OSBPL1A: variants seen among roughly 807,000 people sequenced by gnomAD.
The protein encoded by OSBPL1A is oxysterol-binding protein-related protein 1.
In OSBPL1A, 80 loss-of-function variants were observed where a neutral mutation model predicts 137.1. The ratio of observed to expected loss-of-function variants is 0.58; its 90% CI spans 0.49 to 0.70. The LOEUF (loss-of-function observed/expected upper bound fraction) is 0.70. OSBPL1A is among the 30% of genes least tolerant of loss of function. The pLI is 0.00. For missense variants in OSBPL1A, 970 were observed against 1,129.4 expected, an observed-to-expected ratio of 0.86 and a Z score of 2.02; for synonymous variants, 365 against 389.7, an observed-to-expected ratio of 0.94 and a Z score of 0.75.
chr18:24,357,094 T>C (rs1338834432), intron 4 of OSBPL1A: 1 of 152,204 alleles, frequency 6.6e-6, no homozygotes, highest in Non-Finnish European at 1.5e-5. Flanking sequence ...ATCAATAACA[T>C]TGTCAATCAA....
At chr18:24,336,579 T>C (rs2091179151) in intron 5 of OSBPL1A, among the ~76,000 whole-genome samples, 1 of 152,248 alleles carries the variant, frequency 6.6e-6, no homozygotes, top group African/African-American at 2.4e-5. Context: ...ATATACTTTA[T>C]ATCTCAATAA....
At chr18:24,252,786 A>G (rs2089137015) in intron 15 of OSBPL1A, among the ~76,000 whole-genome samples, 1 of 152,164 alleles carries the variant, frequency 6.6e-6, no homozygotes, top group African/African-American at 2.4e-5. Context: ...AGACAGTATA[A>G]GACATAAAAA....
chr18:24,332,449 G>A (rs933749427), intron 7 of OSBPL1A, among the ~76,000 whole-genome samples: 5 of 134,436 alleles, frequency 3.7e-5, no homozygotes, highest in African/African-American at 1.4e-4. Flanking sequence ...GCTGTCTAAT[G>A]TACCTCAGTG....
chr18:24,215,044 T>A (rs2087651375), intron 17 of OSBPL1A, among the ~76,000 whole-genome samples: 1 of 152,140 alleles, frequency 6.6e-6, no homozygotes, highest in Non-Finnish European at 1.5e-5. Flanking sequence ...AGGAAGGGAG[T>A]TGAGTTTCTG....
At chr18:24,314,450 C>T (rs1281034066) in intron 11 of OSBPL1A, 103 bp from the exon 12 acceptor site, 5 of 687,460 alleles carry the variant, frequency 7.3e-6, no homozygotes, top group African/African-American at 7.3e-5. Flanking sequence ...CTTAACGATA[C>T]CCAGTTGAAC....
intron 4 of OSBPL1A, among the ~76,000 whole-genome samples, chr18:24,360,712 G>A (rs147269945): frequency 2.0e-5 from 3 of 152,258 alleles, no homozygotes; most frequent in Middle Eastern, 3.4e-3. Flanking sequence ...TTGTGTCTGC[G>A]TGGGTATCTC....
At position 24,333,172 on chromosome 18, in the gene OSBPL1A, C is replaced by T. The variant is rs1057394466; in HGVS notation, c.481-86G>A. On this transcript the variant is annotated intron_variant, in intron 6 of 27. Transcript: ENST00000319481. The stretch of plus-strand genomic sequence containing the variant: ...TTCACAGGAGGGTGTATCAGCAGAG[C>T]CCGAAGAATAGCCAAGCTCCTTGGC... 1.8e-5 allele frequency: 26 copies of T among 1,451,254 alleles called. No homozygotes were observed. In the African/African-American group the frequency reaches 3.5e-4, roughly 20 times the overall value. The allele number at this position is 1,451,254 out of a possible 1,614,324, so 89.9% of individuals were successfully genotyped here.
intron 24 of OSBPL1A, among the ~76,000 whole-genome samples, chr18:24,167,717 T>C (rs1280541594): frequency 6.6e-6 from 1 of 152,210 alleles, no homozygotes; most frequent in East Asian, 1.9e-4. Context: ...TACACGATCT[T>C]AGTTTGTGTA....
intron 27 of OSBPL1A, among the ~76,000 whole-genome samples, chr18:24,163,933 T>C (rs7229623): frequency 0.094 from 14,311 of 152,076 alleles, 1,551 homozygotes; most frequent in African/African-American, 0.27. Flanking sequence ...GGTTTCTCCA[T>C]GTTGGTCAGG....
At chr18:24,283,281 AATATAT>A (rs869287828) in intron 14 of OSBPL1A, among the ~76,000 whole-genome samples, 4 of 78,372 alleles carry the variant, frequency 5.1e-5, no homozygotes, top group African/African-American at 2.1e-4. Context: ...AAAAAAAAAA[AATATAT>A]ATATATATAT....
chr18:24,273,610 A>G (rs188791363), intron 15 of OSBPL1A, among the ~76,000 whole-genome samples: 4 of 152,338 alleles, frequency 2.6e-5, no homozygotes, highest in African/African-American at 4.8e-5. Context: ...TCCTTTGTAC[A>G]TTCATTATTC....
chr18:24,314,711 A>G (rs2090687149), intron 11 of OSBPL1A, among the ~76,000 whole-genome samples: 1 of 152,244 alleles, frequency 6.6e-6, no homozygotes, highest in East Asian at 1.9e-4. Context: ...TTTTTGTTTG[A>G]GCTGAGTATA....
chr18:24,193,923 G>T (rs145884510), intron 18 of OSBPL1A, among the ~76,000 whole-genome samples: 2 of 152,260 alleles, frequency 1.3e-5, no homozygotes, highest in East Asian at 3.9e-4. Flanking sequence ...AAGTAAAACC[G>T]CATTCTAGAG....
intron 15 of OSBPL1A, among the ~76,000 whole-genome samples, chr18:24,249,582 T>C (rs1234418869): frequency 1.3e-5 from 2 of 152,110 alleles, no homozygotes; most frequent in African/African-American, 4.8e-5. Context: ...CTGTACAGCA[T>C]GGAGAGTATC....
chr18:24,388,283 TA>T (rs1364710670), intron 1 of OSBPL1A, among the ~76,000 whole-genome samples: 1 of 152,160 alleles, frequency 6.6e-6, no homozygotes, highest in Non-Finnish European at 1.5e-5. Context: ...TCTGTTCCCC[TA>T]TTATATCCCT....
chr18:24,266,923 C>CA (rs1472122163), intron 15 of OSBPL1A, among the ~76,000 whole-genome samples: 1 of 151,528 alleles, frequency 6.6e-6, no homozygotes, highest in Non-Finnish European at 1.5e-5. Context: ...AAATAAAACT[C>CA]AAAAAACTGA....
chr18:24,264,383 C>T (rs890599277), intron 15 of OSBPL1A, among the ~76,000 whole-genome samples: 23 of 152,020 alleles, frequency 1.5e-4, no homozygotes, highest in Admixed American at 1.2e-3. Context: ...GTTGTTAAGG[C>T]CAATATTTTT....
chr18:24,175,104 G>GTGTA (rs1491534405), intron 21 of OSBPL1A, among the ~76,000 whole-genome samples: 612 of 42,656 alleles, frequency 0.014, 5 homozygotes, highest in Non-Finnish European at 0.022. Flanking sequence ...TTTGCCATGT[G>GTGTA]TATGTATATA....
intron 4 of OSBPL1A, among the ~76,000 whole-genome samples, chr18:24,361,098 C>T (rs1044855070): frequency 3.3e-5 from 5 of 152,142 alleles, no homozygotes; most frequent in South Asian, 4.1e-4. Flanking sequence ...GGCACAACTG[C>T]GGCTCACTGC....
Sources: gnomAD v4.1 joint callset for allele counts (sites outside exome capture counted in the v4.1 genomes callset) on GRCh38, gnomAD v4.1.1 for gene constraint, MANE v1.5 for transcripts, NCBI Gene and HGNC (gene_info 2026-07-23, HGNC 2026-07-21) for gene names.